ARHGAP32: variants seen among roughly 807,000 people sequenced by gnomAD.
ARHGAP32 encodes Rho GTPase activating protein 32.
A neutral mutation model predicts 186.5 loss-of-function variants in ARHGAP32; 51 were observed. The observed-to-expected ratio is 0.27, with a 90% CI of 0.22 to 0.35. The LOEUF (loss-of-function observed/expected upper bound fraction) is 0.35, where lower values mean the gene tolerates loss of function less well. ARHGAP32 is among the 10% of genes least tolerant of loss of function. ARHGAP32 has a pLI of 1.00. For missense variants in ARHGAP32, 2,186 were observed against 2,623.5 expected (o/e 0.83, Z 3.64); for synonymous variants, 950 against 964.3 (o/e 0.99, Z 0.27).
At chr11:129,033,404 C>A (rs1203430127) in intron 11 of ARHGAP32, among the ~76,000 whole-genome samples, 1 of 152,142 alleles carries the variant, frequency 6.6e-6, no homozygotes, top group East Asian at 1.9e-4. Flanking sequence ...TATATTCTTG[C>A]CAACCTTAGA....
intron 1 of ARHGAP32, among the ~76,000 whole-genome samples, chr11:129,165,751 A>T (rs1943625585): frequency 1.3e-5 from 2 of 151,340 alleles, no homozygotes; most frequent in Admixed American, 1.3e-4. Context: ...CTAGCCTAGT[A>T]ATAATAAAAA....
intron 11 of ARHGAP32, among the ~76,000 whole-genome samples, chr11:129,019,088 T>C (rs1231483253): frequency 6.6e-6 from 1 of 152,316 alleles, no homozygotes; most frequent in African/African-American, 2.4e-5. Flanking sequence ...CAAGTTTTGT[T>C]TGATGGAATA....
intron 5 of ARHGAP32, among the ~76,000 whole-genome samples, chr11:129,114,975 G>T (rs547636013): frequency 1.3e-5 from 2 of 152,206 alleles, no homozygotes. Context: ...ACCCACAGAA[G>T]AAACCATTCA....
chr11:129,206,213 T>C (rs1041272145), intron 1 of ARHGAP32, among the ~76,000 whole-genome samples: 16 of 152,164 alleles, frequency 1.1e-4, no homozygotes, highest in African/African-American at 3.9e-4. Context: ...ACCTTCTTTT[T>C]AATTAATTTA....
rs552242880 is a variant in ARHGAP32, at chr11:128,988,870, T to C, written c.1196-745A>G. 5.3e-5 allele frequency among the ~76,000 whole-genome samples: 8 copies of C among 152,342 alleles called. No homozygotes were observed. In the East Asian group the frequency reaches 1.5e-3, roughly 29 times the overall value. On this transcript the variant is annotated intron_variant, in intron 12 of 22. Transcript: ENST00000682385. ...AATTTTCAAAATATATGATAAAGCA[T>C]TTTATAACCATTCAAACATTTACAG...
intron 11 of ARHGAP32, among the ~76,000 whole-genome samples, chr11:129,006,409 G>T (rs1937775342): frequency 2.0e-5 from 3 of 152,150 alleles, no homozygotes; most frequent in Non-Finnish European, 4.4e-5. Flanking sequence ...GTTGTGATCT[G>T]CATCACAATG....
chr11:128,974,211 C>T lies in ARHGAP32; in HGVS notation c.2986G>A (p.Ala996Thr), dbSNP rs563285362. 2 of 1,614,198 alleles carry T rather than the reference C, an allele frequency of 1.2e-6. No individual in the cohort carries two copies. The highest frequency in any genetic ancestry group is 2.2e-5 in the South Asian group (2 of 91,086). ...TTCCCTGGCAATTCTACTTCTTCAG[C>T]AGCCACCTGGTCCAGGGGCTGGACT... ...SEVQPLDQVA[A>T]EEVELPGKED... Residue 996 changes from alanine (A) to threonine (T), a missense_variant, in exon 21 of 23, where the codon GCT becomes ACT. Physicochemically the swap from Ala to Thr is moderately conservative, Grantham distance 58. Around this residue, in one of 5 missense-constraint regions of ARHGAP32, gnomAD observed 1,502 missense variants for 1,570.0 expected, o/e 0.96. Coordinates refer to ENST00000682385, the MANE Select transcript of ARHGAP32 (RefSeq NM_001378024.1).
At chr11:129,183,363 A>G (rs184408524) in intron 1 of ARHGAP32, among the ~76,000 whole-genome samples, 1 of 152,274 alleles carries the variant, frequency 6.6e-6, no homozygotes, top group Admixed American at 6.5e-5. Flanking sequence ...GTTTTTTAAA[A>G]AGGATTCTTA....
intron 1 of ARHGAP32, among the ~76,000 whole-genome samples, chr11:129,217,970 C>T (rs374125635): frequency 9.6e-4 from 146 of 152,216 alleles, no homozygotes; most frequent in African/African-American, 3.4e-3. Flanking sequence ...GAGAAGGACA[C>T]TGGGAGAATT....
chr11:129,014,011 C>T (rs1330734135), intron 11 of ARHGAP32, among the ~76,000 whole-genome samples: 2 of 152,106 alleles, frequency 1.3e-5, no homozygotes, highest in African/African-American at 4.8e-5. Flanking sequence ...TAAAATGATA[C>T]CAATGGTATT....
At position 128,974,719 on chromosome 11, in the gene ARHGAP32, C is replaced by CGAG. The variant is rs752113627; in HGVS notation, c.2477_2478insCTC (p.Leu826_Glu827insSer). 7 of 1,614,064 alleles carry CGAG rather than the reference C, an allele frequency of 4.3e-6. No homozygotes were observed. Among genetic ancestry groups the CGAG allele is most frequent in the Non-Finnish European group, 5.9e-6 (7 of 1,180,038 alleles). The stretch of plus-strand genomic sequence containing the variant: ...AATCTAAAAAGGAAGCACCACTCTC[C>CGAG]AGACATTCTGATTCGGCCTTAGGAG... On this transcript the variant is annotated inframe_insertion, in exon 21 of 23. Transcript: ENST00000682385.
At chr11:129,178,327 T>A (rs866646817) in intron 1 of ARHGAP32, among the ~76,000 whole-genome samples, 1 of 151,136 alleles carries the variant, frequency 6.6e-6, no homozygotes. Flanking sequence ...TCCATGCTCA[T>A]GGGTAGGAAG....
At chr11:129,094,245 C>T (rs1941665979) in intron 5 of ARHGAP32, among the ~76,000 whole-genome samples, 1 of 152,092 alleles carries the variant, frequency 6.6e-6, no homozygotes, top group South Asian at 2.1e-4. Flanking sequence ...TTGTCTGTAA[C>T]ACAAAGGATA....
intron 1 of ARHGAP32, among the ~76,000 whole-genome samples, chr11:129,272,834 C>T (rs1048787621): frequency 6.6e-6 from 1 of 152,242 alleles, no homozygotes; most frequent in African/African-American, 2.4e-5. Flanking sequence ...TCACTTCTCG[C>T]ACGCTTTATT....
chr11:129,153,751 T>A (rs953611639), intron 2 of ARHGAP32, among the ~76,000 whole-genome samples: 8 of 152,132 alleles, frequency 5.3e-5, no homozygotes, highest in African/African-American at 1.9e-4. Flanking sequence ...TGGATCAGAC[T>A]TAAATCTAAG....
At chr11:129,227,179 TATTA>T (rs1402847844) in intron 1 of ARHGAP32, among the ~76,000 whole-genome samples, 1 of 152,120 alleles carries the variant, frequency 6.6e-6, no homozygotes, top group African/African-American at 2.4e-5. Context: ...ATTAAGTGAG[TATTA>T]ATTCAAACTA....
rs1943518367 is a variant in ARHGAP32 at position 129,161,013 on chromosome 11, C to A, written c.225+3306G>T. 5.9e-5 allele frequency among the ~76,000 whole-genome samples: 9 copies of A among 152,128 alleles called. No homozygotes were observed. The South Asian group carries it at 1.9e-3, about 32-fold the overall frequency. Reference sequence around the variant, plus strand: ...AGAAATAACGCCACACATCTACGACCCTCTGATCTTTGACAAACCTGACAA... The same window carrying A: ...AGAAATAACGCCACACATCTACGACACTCTGATCTTTGACAAACCTGACAA... On this transcript the variant is annotated intron_variant, in intron 2 of 22. Coordinates refer to ENST00000682385, the MANE Select transcript of ARHGAP32 (RefSeq NM_001378024.1).
chr11:128,975,770 C>T (rs1945525220), intron 20 of ARHGAP32, among the ~76,000 whole-genome samples: 1 of 151,966 alleles, frequency 6.6e-6, no homozygotes, highest in Admixed American at 6.6e-5. Flanking sequence ...ATATATTGGC[C>T]GGTCACAGCG....
At chr11:129,201,454 C>T (rs1944453645) in intron 1 of ARHGAP32, among the ~76,000 whole-genome samples, 1 of 152,106 alleles carries the variant, frequency 6.6e-6, no homozygotes, top group Non-Finnish European at 1.5e-5. Context: ...GTATACCTAA[C>T]TAGATCCCCT....
Sources: gnomAD v4.1 joint callset for allele counts (sites outside exome capture counted in the v4.1 genomes callset) on GRCh38, gnomAD v4.1.1 for gene constraint, gnomAD v4.1.1 regional missense constraint, MANE v1.5 for transcripts, NCBI Gene and HGNC (gene_info 2026-07-23, HGNC 2026-07-21) for gene names.